GFOD1: variants seen among roughly 807,000 people sequenced by gnomAD.
GFOD1 encodes Gfo/Idh/MocA-like oxidoreductase domain containing 1, also known as glucose-fructose oxidoreductase domain-containing protein 1.
A neutral mutation model predicts 25.4 loss-of-function variants in GFOD1; 9 were observed. That is an observed-to-expected ratio of 0.35 (90% CI 0.21 to 0.62). The LOEUF is 0.62. Among genes scored for constraint, GFOD1 ranks in the 20% least tolerant of loss-of-function variants. The pLI is 0.72. For missense variants in GFOD1, 403 were observed against 556.9 expected (o/e 0.72, Z 2.78); for synonymous variants, 253 against 245.6 (o/e 1.03, Z -0.28).
chr6:13,421,870 G>A (rs1465299232), intron 1 of GFOD1, among the ~76,000 whole-genome samples: 2 of 152,168 alleles, frequency 1.3e-5, no homozygotes, highest in Admixed American at 6.5e-5. Context: ...GGCCTTTCCC[G>A]GAGGCTGCAA....
chr6:13,486,247 T>TCCC lies in GFOD1; in HGVS notation c.253+388_253+390dup, dbSNP rs373896526. The TCCC allele has an allele frequency of 2.8e-3, 330 of 118,672 alleles. 2 individuals are homozygous for TCCC. Among genetic ancestry groups the TCCC allele is most frequent in the African/African-American group, 0.012 (127 of 10,878 alleles). 7.4% of individuals were successfully genotyped at this position (118,672 alleles called of 1,614,324 possible). ...CGCACAACCCTCCTCCACCCCCCCA[T>TCCC]CCCCCCCCCCCACACACACACACTT... On this transcript the variant is annotated intron_variant, in intron 1 of 1. Transcript: ENST00000379287.
chr6:13,413,247 G>A (rs775375288), intron 1 of GFOD1, among the ~76,000 whole-genome samples: 3 of 152,228 alleles, frequency 2.0e-5, no homozygotes, highest in Admixed American at 6.5e-5. Context: ...AAGAAGGAAC[G>A]GAGGTGACCT....
chr6:13,458,316 C>T (rs1348617870), intron 1 of GFOD1, among the ~76,000 whole-genome samples: 1 of 152,168 alleles, frequency 6.6e-6, no homozygotes, highest in Non-Finnish European at 1.5e-5. Context: ...CACGGTTTCA[C>T]CATGTTGGCC....
intron 1 of GFOD1, among the ~76,000 whole-genome samples, chr6:13,447,076 G>T (rs984428091): frequency 6.6e-6 from 1 of 152,346 alleles, no homozygotes; most frequent in Non-Finnish European, 1.5e-5. Flanking sequence ...GAAGATCGGT[G>T]TCAGAAGGCT....
intron 1 of GFOD1, among the ~76,000 whole-genome samples, chr6:13,416,245 T>A (rs1439809749): frequency 6.6e-6 from 1 of 152,336 alleles, no homozygotes; most frequent in Non-Finnish European, 1.5e-5. Flanking sequence ...TGTGAGTCAA[T>A]TACAAATGGA....
intron 1 of GFOD1, among the ~76,000 whole-genome samples, chr6:13,384,976 A>G (rs1785435941): frequency 1.3e-5 from 2 of 152,142 alleles, no homozygotes; most frequent in Non-Finnish European, 2.9e-5. Flanking sequence ...CAAAAGGCAG[A>G]CTCACAGATC....
intron 1 of GFOD1, among the ~76,000 whole-genome samples, chr6:13,381,576 C>G (rs1319604848): frequency 6.6e-6 from 1 of 152,202 alleles, no homozygotes; most frequent in African/African-American, 2.4e-5. Flanking sequence ...AGTGCTGGAA[C>G]AAGTCTGGCC....
chr6:13,462,570 C>A (rs2127575662), intron 1 of GFOD1, among the ~76,000 whole-genome samples: 1 of 152,314 alleles, frequency 6.6e-6, no homozygotes, highest in South Asian at 2.1e-4. Context: ...GTCTGCCAAA[C>A]CCACCTCCTC....
intron 1 of GFOD1, among the ~76,000 whole-genome samples, chr6:13,436,216 A>G (rs1166237486): frequency 6.6e-6 from 1 of 152,024 alleles, no homozygotes; most frequent in Admixed American, 6.6e-5. Context: ...GTTTTTAAAA[A>G]TTAAATTTTG....
chr6:13,432,499 G>A (rs1017539314), intron 1 of GFOD1, among the ~76,000 whole-genome samples: 2 of 151,972 alleles, frequency 1.3e-5, no homozygotes, highest in East Asian at 1.9e-4. Flanking sequence ...GAGCTACCAC[G>A]CCCAGCTTAA....
At position 13,358,416 on chromosome 6, in the gene GFOD1, C is replaced by G. The variant is rs890220966; in HGVS notation, c.*6327G>C. 1 of 151,964 alleles carries G rather than the reference C, an allele frequency of 6.6e-6. No homozygotes were observed. Among genetic ancestry groups the G allele is most frequent in the African/African-American group, 2.4e-5 (1 of 41,352 alleles). 9.4% of individuals were successfully genotyped at this position (151,964 alleles called of 1,614,324 possible). A position where few individuals can be genotyped will look rare whatever the true frequency, so the allele number is the denominator to read the frequency against. On this transcript the variant is annotated 3_prime_UTR_variant, in exon 2 of 2. Coordinates refer to ENST00000379287, the MANE Select transcript of GFOD1 (RefSeq NM_018988.4). Reference sequence around the variant, plus strand: ...ATGCCATTTTGGTTAAAAAACACAACAACAACAATAAAAAGCAGATGAAGT... The same window carrying G: ...ATGCCATTTTGGTTAAAAAACACAAGAACAACAATAAAAAGCAGATGAAGT...
In GFOD1 at chr6:13,482,484, C is replaced by T. The variant is rs867335401; in HGVS notation, c.253+4154G>A. On this transcript the variant is annotated intron_variant, in intron 1 of 1. Coordinates refer to ENST00000379287, the MANE Select transcript of GFOD1 (RefSeq NM_018988.4). The stretch of plus-strand genomic sequence containing the variant: ...CACACAGGCCAGGCGTAGTGGCTCA[C>T]ACCTGTAATCCCAGCACTTTGGGAG... 2.2e-4 allele frequency among the ~76,000 whole-genome samples: 34 copies of T among 152,258 alleles called. 1 individual carries two copies. The highest frequency in any genetic ancestry group is 3.4e-3 in the Middle Eastern group (1 of 294).
chr6:13,368,204 C>T (rs893164590), intron 1 of GFOD1, among the ~76,000 whole-genome samples: 4 of 152,214 alleles, frequency 2.6e-5, no homozygotes, highest in Non-Finnish European at 4.4e-5. Context: ...TCAGTTTCCA[C>T]GTGCACATCT....
intron 1 of GFOD1, among the ~76,000 whole-genome samples, chr6:13,366,356 G>T (rs1025206244): frequency 1.3e-5 from 2 of 151,696 alleles, no homozygotes; most frequent in Non-Finnish European, 2.9e-5. Context: ...TTTTTTTTGA[G>T]ATGGATTCTC....
rs574822203 is a variant in GFOD1, at chr6:13,486,414, G to T, written c.253+224C>A. 2.0e-3 allele frequency: 1,199 copies of T among 604,630 alleles called. 8 individuals are homozygous for T. Among genetic ancestry groups the T allele is most frequent in the African/African-American group, 0.019 (1,043 of 54,028 alleles). 37.5% of individuals were successfully genotyped at this position (604,630 alleles called of 1,614,324 possible). A position where few individuals can be genotyped will look rare whatever the true frequency, so the allele number is the denominator to read the frequency against. On this transcript the variant is annotated intron_variant, in intron 1 of 1. Coordinates refer to ENST00000379287, the MANE Select transcript of GFOD1 (RefSeq NM_018988.4). ...CTGCAATCTACACACGTGGGGAAGCGCGTCCAAGTGGTGCCAGGAGGCAGG... is the reference window on the plus strand; with the variant it reads ...CTGCAATCTACACACGTGGGGAAGCTCGTCCAAGTGGTGCCAGGAGGCAGG...
At chr6:13,453,034 G>A (rs893907996) in intron 1 of GFOD1, among the ~76,000 whole-genome samples, 4 of 152,184 alleles carry the variant, frequency 2.6e-5, no homozygotes, top group African/African-American at 9.7e-5. Context: ...TTCACATGCC[G>A]GGAAAGAAGA....
intron 1 of GFOD1, among the ~76,000 whole-genome samples, chr6:13,455,470 G>A (rs1758172094): frequency 1.3e-5 from 2 of 152,160 alleles, no homozygotes; most frequent in Non-Finnish European, 1.5e-5. Context: ...CCTGGGATGC[G>A]AACACAGGTT....
intron 1 of GFOD1, among the ~76,000 whole-genome samples, chr6:13,416,983 A>T (rs1786173918): frequency 6.6e-6 from 1 of 152,238 alleles, no homozygotes; most frequent in Admixed American, 6.5e-5. Context: ...CTGGCTTCTC[A>T]AGCTATCCCA....
intron 1 of GFOD1, among the ~76,000 whole-genome samples, chr6:13,387,532 A>G (rs977794191): frequency 1.3e-5 from 2 of 152,234 alleles, no homozygotes; most frequent in Admixed American, 6.5e-5. Flanking sequence ...GATTATCTCA[A>G]TAGATGCAGA....
Sources: gnomAD v4.1 joint callset for allele counts (sites outside exome capture counted in the v4.1 genomes callset) on GRCh38, gnomAD v4.1.1 for gene constraint, MANE v1.5 for transcripts, NCBI Gene and HGNC (gene_info 2026-07-23, HGNC 2026-07-21) for gene names.